ROCK1: variants seen among roughly 807,000 people sequenced by gnomAD.
ROCK1 encodes the protein Rho associated coiled-coil containing protein kinase 1.
ROCK1 carries 36 observed loss-of-function variants against 196.8 expected under a neutral mutation model. That is an observed-to-expected ratio of 0.18 (90% CI 0.14 to 0.24). The LOEUF is 0.24. Ranked by LOEUF, ROCK1 falls within the 10% of genes least tolerant of loss-of-function variation. The pLI is 1.00. For missense variants in ROCK1, 920 were observed against 1,562.0 expected (o/e 0.59, Z 6.93); for synonymous variants, 443 against 515.9 (o/e 0.86, Z 1.91).
At chr18:21,071,888 A>G (rs1054512277) in intron 1 of ROCK1, among the ~76,000 whole-genome samples, 2 of 152,232 alleles carry the variant, frequency 1.3e-5, no homozygotes, top group African/African-American at 4.8e-5. Flanking sequence ...TAATGATTAC[A>G]ACACATAACA....
At chr18:21,070,660 C>G in intron 1 of ROCK1, 47 bp from the exon 2 acceptor site, 1 of 1,205,670 alleles carries the variant, frequency 8.3e-7, no homozygotes, top group Admixed American at 2.3e-5. Context: ...TCACATTATA[C>G]AGTCTCCTTT....
intron 23 of ROCK1, 95 bp from the exon 24 acceptor site, chr18:20,969,303 T>C (rs1160793827): frequency 1.5e-5 from 10 of 683,526 alleles, no homozygotes; most frequent in Admixed American, 5.2e-5. Flanking sequence ...TAAAGACAGG[T>C]CAGACACTGC....
intron 7 of ROCK1, 61 bp downstream of exon 7, chr18:21,042,504 C>A: frequency 2.0e-6 from 3 of 1,509,868 alleles, no homozygotes; most frequent in South Asian, 1.3e-5. Context: ...TAGAAAGAGC[C>A]AAGTGGCAAG....
intron 1 of ROCK1, among the ~76,000 whole-genome samples, chr18:21,079,618 T>A (rs2036465559): frequency 6.6e-6 from 1 of 151,844 alleles, no homozygotes; most frequent in Non-Finnish European, 1.5e-5. Flanking sequence ...ACAACTGGAG[T>A]GGAACCGGAA....
intron 1 of ROCK1, among the ~76,000 whole-genome samples, chr18:21,108,627 CCTCT>C (rs2036723510): frequency 6.6e-6 from 1 of 152,178 alleles, no homozygotes; most frequent in Non-Finnish European, 1.5e-5. Flanking sequence ...CTGACTATTG[CCTCT>C]CTCTTTGGTT....
intron 1 of ROCK1, among the ~76,000 whole-genome samples, chr18:21,110,249 C>T (rs1424767411): frequency 1.3e-5 from 2 of 152,108 alleles, no homozygotes; most frequent in African/African-American, 4.8e-5. Context: ...ACTGTAATTA[C>T]CTATGACCAA....
At chr18:20,987,489 C>T (rs1391876587) in intron 18 of ROCK1, among the ~76,000 whole-genome samples, 2 of 151,988 alleles carry the variant, frequency 1.3e-5, no homozygotes, top group South Asian at 2.1e-4. Flanking sequence ...TAATTTATAC[C>T]CTGCATTGTT....
chr18:21,046,581 C>A (rs7240577), intron 4 of ROCK1, among the ~76,000 whole-genome samples: 5,373 of 152,146 alleles, frequency 0.035, 334 homozygotes, highest in African/African-American at 0.12. Flanking sequence ...AGCTAGGGTT[C>A]AAATAGTAAC....
intron 1 of ROCK1, among the ~76,000 whole-genome samples, chr18:21,095,409 A>C (rs1462360473): frequency 2.6e-5 from 4 of 152,192 alleles, no homozygotes; most frequent in Admixed American, 2.6e-4. Flanking sequence ...CTGCACTCCC[A>C]TGTTTATCAT....
chr18:21,044,804 C>T (rs45567531), intron 5 of ROCK1, among the ~76,000 whole-genome samples: 23,896 of 152,082 alleles, frequency 0.16, 3,795 homozygotes, highest in African/African-American at 0.4. Context: ...TTAAAGAATA[C>T]ATTTATATCA....
At chr18:20,973,573 G>A (rs1033392963) in intron 22 of ROCK1, among the ~76,000 whole-genome samples, 3 of 152,008 alleles carry the variant, frequency 2.0e-5, no homozygotes, top group Admixed American at 1.3e-4. Flanking sequence ...CACCACACCC[G>A]ACCAAGTCAT....
intron 11 of ROCK1, among the ~76,000 whole-genome samples, 164 bp downstream of exon 11, chr18:21,023,456 A>G (rs904173667): frequency 2.6e-5 from 4 of 152,206 alleles, no homozygotes; most frequent in African/African-American, 4.8e-5. Flanking sequence ...ATTTGAGCAA[A>G]AAATCAGACT....
At position 21,023,613 on chromosome 18, in the gene ROCK1, T is replaced by TA; in HGVS notation, c.1272+6dup. On this transcript the variant is annotated splice_region_variant and intron_variant, in intron 11 of 32. Coordinates refer to ENST00000399799, the MANE Select transcript of ROCK1 (RefSeq NM_005406.3). ...AACAATTTTCTTAATACTAAGAAAA[T>TA]ACCTACCAAGCTTTTATCTGCATTG... The TA allele has an allele frequency of 6.7e-7, 1 of 1,490,854 alleles. No homozygotes were observed. Among genetic ancestry groups the TA allele is most frequent in the Non-Finnish European group, 9.1e-7 (1 of 1,093,934 alleles). The allele number at this position is 1,490,854 out of a possible 1,614,324, so 92.4% of individuals were successfully genotyped here. A position where few individuals can be genotyped will look rare whatever the true frequency, so the allele number is the denominator to read the frequency against.
chr18:21,066,290 T>C (rs2036333687), intron 2 of ROCK1, among the ~76,000 whole-genome samples: 1 of 152,162 alleles, frequency 6.6e-6, no homozygotes, highest in Non-Finnish European at 1.5e-5. Flanking sequence ...ATTCACCTTG[T>C]TTTTGTTCAT....
chr18:20,975,038 A>G (rs113803078), intron 22 of ROCK1, among the ~76,000 whole-genome samples: 2,303 of 152,360 alleles, frequency 0.015, 26 homozygotes, highest in South Asian at 0.042. Context: ...TGCTAGACAT[A>G]CAGCAATGAA....
chr18:21,029,300 T>A (rs2035986763), intron 9 of ROCK1, among the ~76,000 whole-genome samples: 1 of 152,154 alleles, frequency 6.6e-6, no homozygotes, highest in African/African-American at 2.4e-5. Flanking sequence ...CATAACAAAC[T>A]GTACTCGAAA....
intron 22 of ROCK1, among the ~76,000 whole-genome samples, chr18:20,975,049 T>C (rs1490511360): frequency 6.6e-6 from 1 of 152,198 alleles, no homozygotes; most frequent in Non-Finnish European, 1.5e-5. Context: ...CAGCAATGAA[T>C]TGAACCTAAG....
Position 21,042,162 on chromosome 18 carries a change from G to A in ROCK1, c.894C>T (p.Thr298=). 1.9e-6 allele frequency: 3 copies of A among 1,606,364 alleles called. No individual in the cohort carries two copies. The South Asian group carries it at 3.3e-5, about 18-fold the overall frequency. Residue 298 remains threonine (T), a synonymous_variant, in exon 8 of 33, where the codon ACC becomes ACT. Coordinates refer to ENST00000399799, the MANE Select transcript of ROCK1 (RefSeq NM_005406.3). ...SKIMNHKNSL[T]FPDDNDISKE... is the part of the protein sequence containing the mutation. ...TTGATATGTCATTATCATCAGGAAAGGTAAGTGAATTTTTATGGTTCATAA... is the reference window on the plus strand; with the variant it reads ...TTGATATGTCATTATCATCAGGAAAAGTAAGTGAATTTTTATGGTTCATAA...
At chr18:21,020,685 A>T (rs2143463539) in intron 11 of ROCK1, among the ~76,000 whole-genome samples, 1 of 152,332 alleles carries the variant, frequency 6.6e-6, no homozygotes, top group East Asian at 1.9e-4. Context: ...AAGAACTGAT[A>T]ATCTGATAAA....
Sources: allele counts gnomAD v4.1 joint callset (sites outside exome capture counted in the v4.1 genomes callset), GRCh38; gene constraint gnomAD v4.1.1; transcripts MANE v1.5; gene names NCBI Gene and HGNC (gene_info 2026-07-23, HGNC 2026-07-21).